The following RAB33A variants were observed in gnomAD, a reference collection of about 807,000 sequenced individuals.
The protein encoded by RAB33A is ras-related protein Rab-33A.
In RAB33A, 6 loss-of-function variants were observed where a neutral mutation model predicts 12.0. That is an observed-to-expected ratio of 0.50 (90% CI 0.27 to 0.99). The LOEUF (loss-of-function observed/expected upper bound fraction) is 0.99. RAB33A is among the 50% of genes least tolerant of loss of function. RAB33A has a pLI of 0.11. For missense variants in RAB33A, 109 were observed against 192.0 expected (o/e 0.57, Z 2.55); for synonymous variants, 70 against 82.4 (o/e 0.85, Z 0.81).
chrX:130,175,660 C>A (rs1157062408), intron 1 of RAB33A, among the ~76,000 whole-genome samples: 1 of 109,972 alleles, frequency 9.1e-6, no homozygotes, highest in Non-Finnish European at 1.9e-5. Flanking sequence ...TGATGCCCAG[C>A]TAATTTTTAT....
chrX:130,132,190 C>T, the RAB33A span, among the ~76,000 whole-genome samples: 1 of 112,070 alleles, frequency 8.9e-6, no homozygotes, highest in African/African-American at 3.2e-5. Context: ...ACTCTTATGC[C>T]AACCAAAGAA....
At chrX:130,151,254 C>T in the RAB33A span, among the ~76,000 whole-genome samples, 2 of 109,191 alleles carry the variant, frequency 1.8e-5, no homozygotes, top group African/African-American at 6.7e-5. Flanking sequence ...GATTCTGCTG[C>T]CTCAGCCTCC....
the RAB33A span, among the ~76,000 whole-genome samples, chrX:130,121,181 A>G: frequency 9.0e-6 from 1 of 111,096 alleles, no homozygotes; most frequent in East Asian, 2.9e-4. Context: ...CATGAGAATG[A>G]GACTCTTCCC....
the RAB33A span, chrX:130,137,364 T>C: frequency 1.7e-6 from 2 of 1,154,867 alleles, no homozygotes; most frequent in South Asian, 3.9e-5. Context: ...AGTTCATTTG[T>C]AACGCAAATA....
At chrX:130,169,742 T>G (rs997871116), upstream of RAB33A, among the ~76,000 whole-genome samples, 3 of 112,408 alleles carry the variant, frequency 2.7e-5, no homozygotes, top group Non-Finnish European at 5.6e-5. Flanking sequence ...TGCTAGAAGC[T>G]TACATTGAAA....
the RAB33A span, among the ~76,000 whole-genome samples, chrX:130,148,253 T>G: frequency 9.0e-6 from 1 of 111,593 alleles, no homozygotes; most frequent in East Asian, 2.8e-4. Context: ...CAGTTTCACC[T>G]TCCGTTAGCA....
Position 130,181,937 on chromosome X carries a change from A to T in RAB33A, c.259-2348A>T, listed in dbSNP as rs1034615624. ...ACTCCAGCCTGGGCGACAGAACAAG[A>T]CTCTCATCTCAAAATAATAAATAAA... is the stretch of plus-strand genomic sequence containing the variant. On this transcript the variant is annotated intron_variant, in intron 1 of 1. Transcript: ENST00000257017. 7.4e-5 allele frequency among the ~76,000 whole-genome samples: 8 copies of T among 108,675 alleles called. No homozygotes were observed. The Admixed American group carries it at 8.1e-4, about 11-fold the overall frequency. The allele number at this position is 108,675 out of a possible 115,157, so 94.4% of individuals were successfully genotyped here. A position where few individuals can be genotyped will look rare whatever the true frequency, so the allele number is the denominator to read the frequency against.
At chrX:130,154,440 T>C in the RAB33A span, among the ~76,000 whole-genome samples, 4 of 112,215 alleles carry the variant, frequency 3.6e-5, no homozygotes, top group Non-Finnish European at 5.6e-5. Flanking sequence ...ATGGGAAAAG[T>C]TGAGAGATAT....
intron 1 of RAB33A, among the ~76,000 whole-genome samples, chrX:130,172,731 A>G (rs1002767945): frequency 9.0e-6 from 1 of 111,654 alleles, no homozygotes; most frequent in African/African-American, 3.3e-5. Context: ...TTGGGTGCCG[A>G]TAGGCTGCAA....
chrX:130,154,911 AAG>A, the RAB33A span, among the ~76,000 whole-genome samples: 4 of 112,492 alleles, frequency 3.6e-5, no homozygotes, highest in Admixed American at 3.8e-4. Flanking sequence ...GTTTCAAAGA[AAG>A]AGTTAATGAT....
the RAB33A span, among the ~76,000 whole-genome samples, chrX:130,120,345 G>T: frequency 9.0e-6 from 1 of 110,721 alleles, no homozygotes; most frequent in South Asian, 3.8e-4. Flanking sequence ...CTCTCATGTC[G>T]GCCGAGCCGA....
chrX:130,171,953 C>G (rs914554472), upstream of RAB33A: 2 of 908,255 alleles, frequency 2.2e-6, no homozygotes, highest in African/African-American at 4.0e-5. Context: ...CACACACACG[C>G]GCGCACACAC....
the RAB33A span, among the ~76,000 whole-genome samples, chrX:130,139,467 C>G: frequency 2.7e-5 from 3 of 112,089 alleles, no homozygotes; most frequent in Non-Finnish European, 5.6e-5. Context: ...AGTCTCTACA[C>G]AGCACTTGCA....
chrX:130,112,859 C>G, the RAB33A span, among the ~76,000 whole-genome samples: 2 of 109,611 alleles, frequency 1.8e-5, no homozygotes, highest in Non-Finnish European at 3.8e-5. Flanking sequence ...CAGTGAGACT[C>G]CATCTCAAAA....
the RAB33A span, among the ~76,000 whole-genome samples, chrX:130,131,392 C>T: frequency 8.9e-6 from 1 of 112,458 alleles, no homozygotes; most frequent in Non-Finnish European, 1.9e-5. Flanking sequence ...GAAAGGTCTT[C>T]CCAGAGACAC....
At chrX:130,131,434 G>A in the RAB33A span, among the ~76,000 whole-genome samples, 1 of 112,637 alleles carries the variant, frequency 8.9e-6, no homozygotes, top group Non-Finnish European at 1.9e-5. Flanking sequence ...GCTAGCCACT[G>A]TCCACTGTCT....
the RAB33A span, among the ~76,000 whole-genome samples, chrX:130,162,454 G>A: frequency 5.4e-5 from 6 of 112,079 alleles, no homozygotes; most frequent in Non-Finnish European, 1.1e-4. Context: ...GCAACTTTTG[G>A]AAACATGATC....
chrX:130,138,829 A>G, the RAB33A span: 1 of 506,649 alleles, frequency 2.0e-6, no homozygotes, highest in Non-Finnish European at 3.5e-6. Context: ...ACTCAATTAT[A>G]ACTTCTATGT....
the RAB33A span, among the ~76,000 whole-genome samples, chrX:130,163,894 G>A: frequency 9.2e-6 from 1 of 109,201 alleles, no homozygotes; most frequent in Non-Finnish European, 1.9e-5. Context: ...GGTGGCTCAC[G>A]CCTGTAATCC....
Sources: gnomAD v4.1 joint callset for allele counts (sites outside exome capture counted in the v4.1 genomes callset) on GRCh38, gnomAD v4.1.1 for gene constraint, MANE v1.5 for transcripts, NCBI Gene and HGNC (gene_info 2026-07-23, HGNC 2026-07-21) for gene names.